The following COL9A2 variants were observed in gnomAD, a reference collection of about 807,000 sequenced individuals.
COL9A2 encodes collagen alpha-2(IX) chain.
COL9A2 carries 66 observed loss-of-function variants against 111.6 expected under a neutral mutation model. The observed-to-expected ratio is 0.59, with a 90% CI of 0.48 to 0.73. The LOEUF is 0.73. COL9A2 is among the 30% of genes least tolerant of loss of function. The pLI, the probability that COL9A2 is intolerant of heterozygous loss-of-function variation, is 0.00. For synonymous variants in COL9A2, 353 were observed against 364.1 expected, an observed-to-expected ratio of 0.97 and a Z score of 0.35; for missense variants, 881 against 954.1, an observed-to-expected ratio of 0.92 and a Z score of 1.01.
chr1:40,312,961 A>T lies in COL9A2; in HGVS notation c.250-177T>A, dbSNP rs1021497731. 1.1e-4 allele frequency among the ~76,000 whole-genome samples: 16 copies of T among 152,066 alleles called. No homozygotes were observed. Among genetic ancestry groups the T allele is most frequent in the African/African-American group, 3.4e-4 (14 of 41,414 alleles). ...TTTCCCCAGTTCCCATAGTAACCCT[A>T]GGAGGCAGGCAGAACAATTCCCTTC... On this transcript the variant is annotated intron_variant, in intron 4 of 31. Coordinates refer to ENST00000372748, the MANE Select transcript of COL9A2 (RefSeq NM_001852.4). The surrounding 1 kb of genome is among the most constrained non-coding windows in gnomAD (Gnocchi z 6.0).
At position 40,311,257 on chromosome 1, in the gene COL9A2, T is replaced by C. The variant is rs764636136; in HGVS notation, c.549A>G (p.Lys183=). The C allele has an allele frequency of 2.5e-6, 4 of 1,613,984 alleles. No homozygotes were observed. In the East Asian group the frequency reaches 8.9e-5, roughly 36 times the overall value. Residue 183 remains lysine, a synonymous_variant, in exon 11 of 32, where the codon AAA becomes AAG. Coordinates refer to ENST00000372748, the MANE Select transcript of COL9A2 (RefSeq NM_001852.4). The surrounding 1 kb of genome is among the most constrained non-coding windows in gnomAD (Gnocchi z 5.1). Reference sequence around the variant, plus strand: ...TCACTCCCTGCAGCCCTGGGGGACCTTTCATTCCGGGTGGACAGTTGGTTG... The same window carrying C: ...TCACTCCCTGCAGCCCTGGGGGACCCTTCATTCCGGGTGGACAGTTGGTTG... ...LCPTNCPPGM[K]GPPGLQGVKG... is the part of the protein sequence containing the mutation.
Position 40,312,585 on chromosome 1 carries a change from G to T in COL9A2, c.328C>A (p.Pro110Thr). 1.1e-5 allele frequency: 18 copies of T among 1,614,068 alleles called. No homozygotes were observed. Among genetic ancestry groups the T allele is most frequent in the Non-Finnish European group, 1.5e-5 (18 of 1,179,988 alleles). Reference sequence around the variant, plus strand: ...CAGGTTGTACTCACCGGAAGGCCAGGAGGACCAGGAAGCCCGGGCTGGCCC... The same window carrying T: ...CAGGTTGTACTCACCGGAAGGCCAGTAGGACCAGGAAGCCCGGGCTGGCCC... ...VKGQPGLPGPPGLPGPGFAGP... is the reference protein window; with the variant it reads ...VKGQPGLPGPTGLPGPGFAGP... Residue 110 changes from proline to threonine, a missense_variant, in exon 6 of 32, where the codon CCT becomes ACT. Coordinates refer to ENST00000372748, the MANE Select transcript of COL9A2 (RefSeq NM_001852.4). This position sits in a 1 kb window ranked among gnomAD's most constrained non-coding sequence, Gnocchi z 6.0.
chr1:40,302,907 T>C lies in COL9A2; in HGVS notation c.1604-98A>G, dbSNP rs1384600189. ...GAGCATTCCGATGGGCCCTGGCCCC[T>C]AGGTTTGCAGACAGAAAAGCACCAC... On this transcript the variant is annotated intron_variant, in intron 29 of 31. Coordinates refer to ENST00000372748, the MANE Select transcript of COL9A2 (RefSeq NM_001852.4). The surrounding 1 kb of genome is among the most constrained non-coding windows in gnomAD (Gnocchi z 4.5). 1.5e-6 allele frequency: 2 copies of C among 1,318,914 alleles called. No homozygotes were observed. The highest frequency in any genetic ancestry group is 2.9e-5 in the African/African-American group (2 of 69,154). The allele number at this position is 1,318,914 out of a possible 1,614,324, so 81.7% of individuals were successfully genotyped here.
rs1025890772 is a variant in COL9A2 at position 40,303,417 on chromosome 1, C to G, written c.1548+113G>C. On this transcript the variant is annotated intron_variant, in intron 28 of 31. Coordinates refer to ENST00000372748, the MANE Select transcript of COL9A2 (RefSeq NM_001852.4). This position sits in a 1 kb window ranked among gnomAD's most constrained non-coding sequence, Gnocchi z 4.6. ...TCCTGTCTGCTCTGGGGCTTGGAAC[C>G]AGTCTCGGGGAAGTCGGTGAGTCTC... 3 of 1,455,170 alleles carry G rather than the reference C, an allele frequency of 2.1e-6. No individual in the cohort carries two copies. The African/African-American group carries it at 4.2e-5, about 20-fold the overall frequency. 90.1% of individuals were successfully genotyped at this position (1,455,170 alleles called of 1,614,324 possible). A position where few individuals can be genotyped will look rare whatever the true frequency, so the allele number is the denominator to read the frequency against.
In COL9A2 at chr1:40,301,377, G is replaced by A; in HGVS notation, c.1875C>T (p.Leu625=). 6.2e-7 allele frequency: 1 copy of A among 1,608,080 alleles called. No homozygotes were observed. The highest frequency in any genetic ancestry group is 8.5e-7 in the Non-Finnish European group (1 of 1,176,402). The change falls in exon 32 of 32, where the codon CTC becomes CTT. Residue 625 remains leucine, a synonymous_variant. Transcript: ENST00000372748. Reference sequence around the variant, plus strand: ...TGATTGCCTGGCCAGGCCGGCCAGGGAGTCCTGTGAACAGGAGAAAGTCAA... The same window carrying A: ...TGATTGCCTGGCCAGGCCGGCCAGGAAGTCCTGTGAACAGGAGAAAGTCAA... ...GMPGPPGIPG[L]PGRPGQAING... is the part of the protein sequence containing the mutation.
rs1644117866 is a variant in COL9A2, at chr1:40,311,181, C to T, written c.577-35G>A. On this transcript the variant is annotated intron_variant, in intron 11 of 31. Coordinates refer to ENST00000372748, the MANE Select transcript of COL9A2 (RefSeq NM_001852.4). The surrounding 1 kb of genome is among the most constrained non-coding windows in gnomAD (Gnocchi z 5.1). Reference sequence around the variant, plus strand: ...AGGAGAGAGCTCAATACGAGGTCCCCTCCTGTCACCTGCACCACCCTCCCA... The same window carrying T: ...AGGAGAGAGCTCAATACGAGGTCCCTTCCTGTCACCTGCACCACCCTCCCA... 6.2e-7 allele frequency: 1 copy of T among 1,614,224 alleles called. No individual in the cohort carries two copies. Among genetic ancestry groups the T allele is most frequent in the Non-Finnish European group, 8.5e-7 (1 of 1,180,010 alleles).
chr1:40,302,197 G>A lies in COL9A2; in HGVS notation c.1793-308C>T, dbSNP rs1315660551. 2.0e-5 allele frequency among the ~76,000 whole-genome samples: 3 copies of A among 152,096 alleles called. No homozygotes were observed. The highest frequency in any genetic ancestry group is 4.8e-5 in the African/African-American group (2 of 41,422). The stretch of plus-strand genomic sequence containing the variant: ...GATAGTCCTCACTGCCACATGATGA[G>A]GTTGGTACTTTCAGTGTCCCCATTT... On this transcript the variant is annotated intron_variant, in intron 30 of 31. Transcript: ENST00000372748. The surrounding 1 kb of genome is among the most constrained non-coding windows in gnomAD (Gnocchi z 4.5).
Position 40,311,252 on chromosome 1 carries a change from G to A in COL9A2, c.554C>T (p.Pro185Leu), listed in dbSNP as rs1644119229. ...PTNCPPGMKG[P>L]PGLQGVKGHA... ...CACCTTCACTCCCTGCAGCCCTGGG[G>A]GACCTTTCATTCCGGGTGGACAGTT... The change falls in exon 11 of 32, where the codon CCC becomes CTC. Residue 185 changes from proline (P) to leucine (L), a missense_variant. Pro to Leu is a moderately conservative substitution (Grantham distance 98, BLOSUM62 -3). Transcript: ENST00000372748. This position sits in a 1 kb window ranked among gnomAD's most constrained non-coding sequence, Gnocchi z 5.1. 1.2e-6 allele frequency: 2 copies of A among 1,614,170 alleles called. No individual in the cohort carries two copies. Among genetic ancestry groups the A allele is most frequent in the South Asian group, 2.2e-5 (2 of 91,072 alleles).
Position 40,304,864 on chromosome 1 carries a change from T to G in COL9A2, c.1108-17A>C, listed in dbSNP as rs565316700. 3.9e-6 allele frequency: 6 copies of G among 1,548,720 alleles called. No individual in the cohort carries two copies. In the East Asian group the frequency reaches 1.5e-4, roughly 38 times the overall value. ...TGGCTCTCCCTGGAGGAAGGAGAAA[T>G]TGGGGCTAAGCGTTTGACCTGGTGG... On this transcript the variant is annotated splice_polypyrimidine_tract_variant and intron_variant, in intron 21 of 31. Coordinates refer to ENST00000372748, the MANE Select transcript of COL9A2 (RefSeq NM_001852.4).
At position 40,314,104 on chromosome 1, in the gene COL9A2, T is replaced by A; in HGVS notation, c.249+101A>T. 1 of 1,269,818 alleles carries A rather than the reference T, an allele frequency of 7.9e-7. No homozygotes were observed. The highest frequency in any genetic ancestry group is 1.2e-6 in the Non-Finnish European group (1 of 868,114). The allele number at this position is 1,269,818 out of a possible 1,614,324, so 78.7% of individuals were successfully genotyped here. A position where few individuals can be genotyped will look rare whatever the true frequency, so the allele number is the denominator to read the frequency against. On this transcript the variant is annotated intron_variant, in intron 4 of 31. Coordinates refer to ENST00000372748, the MANE Select transcript of COL9A2 (RefSeq NM_001852.4). This position sits in a 1 kb window ranked among gnomAD's most constrained non-coding sequence, Gnocchi z 4.1. The stretch of plus-strand genomic sequence containing the variant: ...GCTCACAGCTGGAGAATCTCCATCC[T>A]GCTGCCCATCTCTGAACAGATCAGT...
Position 40,307,540 on chromosome 1 carries a change from A to G in COL9A2, c.955-41T>C. 4.3e-6 allele frequency: 7 copies of G among 1,611,218 alleles called. No homozygotes were observed. The highest frequency in any genetic ancestry group is 5.9e-6 in the Non-Finnish European group (7 of 1,177,704). On this transcript the variant is annotated intron_variant, in intron 18 of 31. Transcript: ENST00000372748. This position sits in a 1 kb window ranked among gnomAD's most constrained non-coding sequence, Gnocchi z 4.8. ...AACCAAAGATACAAATTAAAGCTCC[A>G]GCCAGAGGGCCATGGCTTCTACCCA...
At chr1:40,309,049 C>A (rs1186864190) in intron 16 of COL9A2, among the ~76,000 whole-genome samples, 1 of 152,114 alleles carries the variant, frequency 6.6e-6, no homozygotes, top group Non-Finnish European at 1.5e-5. Flanking sequence ...AGTTCGAGAC[C>A]AGCCTAACAT....
Position 40,303,335 on chromosome 1 carries a change from G to C in COL9A2, c.1549-150C>G, listed in dbSNP as rs1380236387. 23 of 1,143,214 alleles carry C rather than the reference G, an allele frequency of 2.0e-5. No individual in the cohort carries two copies. The highest frequency in any genetic ancestry group is 2.5e-5 in the Non-Finnish European group (20 of 785,424). 70.8% of individuals were successfully genotyped at this position (1,143,214 alleles called of 1,614,324 possible). A position where few individuals can be genotyped will look rare whatever the true frequency, so the allele number is the denominator to read the frequency against. ...GAGGAACAGATTGTACCTGGGCAGG[G>C]CCAAGGGCTTACTTGGGAAGGTCGC... On this transcript the variant is annotated intron_variant, in intron 28 of 31. Transcript: ENST00000372748. This position sits in a 1 kb window ranked among gnomAD's most constrained non-coding sequence, Gnocchi z 4.6.
In COL9A2 at chr1:40,302,673, G is replaced by A. The variant is rs768037464; in HGVS notation, c.1740C>T (p.Gly580=). The change falls in exon 30 of 32, where the codon GGC becomes GGT. Residue 580 remains glycine, a synonymous_variant. Transcript: ENST00000372748. The surrounding 1 kb of genome is among the most constrained non-coding windows in gnomAD (Gnocchi z 4.5). ...QGPHGHPGPR[G]VPGIVGAVGQ... The stretch of plus-strand genomic sequence containing the variant: ...CCACGGCTCCCACGATGCCAGGAAC[G>A]CCCCGAGGGCCAGGGTGCCCATGGG... The A allele has an allele frequency of 1.6e-5, 26 of 1,598,784 alleles. No homozygotes were observed. The highest frequency in any genetic ancestry group is 4.5e-5 in the East Asian group (2 of 43,984).
At position 40,302,758 on chromosome 1, in the gene COL9A2, A is replaced by G. The variant is rs1569700165; in HGVS notation, c.1655T>C (p.Val552Ala). 26 of 1,309,638 alleles carry G rather than the reference A, an allele frequency of 2.0e-5. No homozygotes were observed. The highest frequency in any genetic ancestry group is 2.6e-5 in the Non-Finnish European group (26 of 994,970). 81.1% of individuals were successfully genotyped at this position (1,309,638 alleles called of 1,614,324 possible). A position where few individuals can be genotyped will look rare whatever the true frequency, so the allele number is the denominator to read the frequency against. Residue 552 changes from valine (V) to alanine (A), a missense_variant, in exon 30 of 32, where the codon GTG becomes GCG. Transcript: ENST00000372748. This position sits in a 1 kb window ranked among gnomAD's most constrained non-coding sequence, Gnocchi z 4.5. Reference sequence around the variant, plus strand: ...AGGTCCTGGAGGACCCATCATGCCCACCGCACCCAGGGCTTCCCGCTTGGC... The same window carrying G: ...AGGTCCTGGAGGACCCATCATGCCCGCCGCACCCAGGGCTTCCCGCTTGGC... ...VSAKREALGA[V>A]GMMGPPGPPG...
At position 40,310,330 on chromosome 1, in the gene COL9A2, A is replaced by G. The variant is rs780569547; in HGVS notation, c.685-13T>C. ...TGCCCTGGGGACCCTGTTGAGAAAG[A>G]AAAATGACAGCAATGGCAATTGCAA... On this transcript the variant is annotated splice_polypyrimidine_tract_variant and intron_variant, in intron 13 of 31. Transcript: ENST00000372748. The surrounding 1 kb of genome is among the most constrained non-coding windows in gnomAD (Gnocchi z 4.9). The G allele has an allele frequency of 1.2e-6, 2 of 1,613,824 alleles. No individual in the cohort carries two copies. The highest frequency in any genetic ancestry group is 4.5e-5 in the East Asian group (2 of 44,850).
At position 40,312,248 on chromosome 1, in the gene COL9A2, C is replaced by G. The variant is rs56001062; in HGVS notation, c.364-136G>C. On this transcript the variant is annotated intron_variant, in intron 7 of 31. Transcript: ENST00000372748. The surrounding 1 kb of genome is among the most constrained non-coding windows in gnomAD (Gnocchi z 6.0). ...TTTTTGCCAACCCCAGAGAGACTGA[C>G]AGACTGAGGCTTTAAGGACCAGAGA... is the stretch of plus-strand genomic sequence containing the variant. 1.1e-3 allele frequency: 1,122 copies of G among 1,001,108 alleles called. 13 individuals carry two copies. In the African/African-American group the frequency reaches 0.017, roughly 15 times the overall value. 62.0% of individuals were successfully genotyped at this position (1,001,108 alleles called of 1,614,324 possible). A position where few individuals can be genotyped will look rare whatever the true frequency, so the allele number is the denominator to read the frequency against.
chr1:40,309,793 ACACACACTACACACT>A, intron 16 of COL9A2, 130 bp downstream of exon 16: 1 of 822,346 alleles, frequency 1.2e-6, no homozygotes. Context: ...GTCTACACAC[ACACACACTACACACT>A]CACACACACT....
At position 40,309,947 on chromosome 1, in the gene COL9A2, C is replaced by T. The variant is rs2124082245; in HGVS notation, c.837G>A (p.Lys279=). The T allele has an allele frequency of 6.2e-7, 1 of 1,613,894 alleles. No individual in the cohort carries two copies. The part of the protein sequence containing the change: ...PRGPPGRAGE[K]GDEGSPGIRG... ...GTGCCTGAGGACTCACCTCGTCACC[C>T]TTCTCCCCAGCTCGGCCTGGCGGTC... The change falls in exon 16 of 32, where the codon AAG becomes AAA. Residue 279 remains lysine (K), a synonymous_variant. Transcript: ENST00000372748.
Sources: allele counts gnomAD v4.1 joint callset (sites outside exome capture counted in the v4.1 genomes callset), GRCh38; gene constraint gnomAD v4.1.1; non-coding constraint Gnocchi (gnomAD v3.1); transcripts MANE v1.5; gene names NCBI Gene and HGNC (gene_info 2026-07-23, HGNC 2026-07-21).